Variants in HSD17B4 observed in about 807,000 individuals in gnomAD.
HSD17B4 encodes the protein peroxisomal multifunctional enzyme type 2.
A neutral mutation model predicts 101.0 loss-of-function variants in HSD17B4; 70 were observed. The observed-to-expected ratio is 0.69, with a 90% CI of 0.57 to 0.85. HSD17B4 has a LOEUF of 0.85. HSD17B4 is among the 40% of genes least tolerant of loss of function. The probability of loss-of-function intolerance (pLI) is 0.00; values close to 1 mark genes in which losing one functional copy is unlikely to be tolerated. For missense variants in HSD17B4, 984 were observed against 892.4 expected, an observed-to-expected ratio of 1.10 and a Z score of -1.31; for synonymous variants, 347 against 297.1, an observed-to-expected ratio of 1.17 and a Z score of -1.73.
At chr5:119,532,412 T>C (rs1296786491) in intron 22 of HSD17B4, among the ~76,000 whole-genome samples, 2 of 152,102 alleles carry the variant, frequency 1.3e-5, no homozygotes, top group Non-Finnish European at 2.9e-5. Context: ...TCTGTATATG[T>C]TGGAATGAGT....
At chr5:119,512,360 T>A (rs1380671023) in intron 16 of HSD17B4, among the ~76,000 whole-genome samples, 1 of 152,094 alleles carries the variant, frequency 6.6e-6, no homozygotes, top group African/African-American at 2.4e-5. Flanking sequence ...TCCAAATAGA[T>A]TATATATCTA....
chr5:119,520,615 T>A (rs563566770), intron 17 of HSD17B4, among the ~76,000 whole-genome samples: 1 of 152,352 alleles, frequency 6.6e-6, no homozygotes, highest in South Asian at 2.1e-4. Flanking sequence ...TGTTTGTTTC[T>A]TTTCTGTAAA....
At chr5:119,462,177 A>G (rs1755310979) in intron 2 of HSD17B4, among the ~76,000 whole-genome samples, 1 of 141,838 alleles carries the variant, frequency 7.1e-6, no homozygotes. Context: ...ATTTTTTGCT[A>G]CCTATTTGAA....
At chr5:119,479,518 T>C (rs777122986) in intron 8 of HSD17B4, among the ~76,000 whole-genome samples, 2 of 152,186 alleles carry the variant, frequency 1.3e-5, no homozygotes, top group Admixed American at 6.6e-5. Context: ...ATTCACCCTT[T>C]GTGTTGTACA....
chr5:119,524,146 T>C (rs1201863344), intron 17 of HSD17B4, among the ~76,000 whole-genome samples: 1 of 152,106 alleles, frequency 6.6e-6, no homozygotes, highest in South Asian at 2.1e-4. Flanking sequence ...GATTTCATTA[T>C]ATTAAGAAGA....
chr5:119,473,839 C>T (rs199974724), intron 2 of HSD17B4, 69 bp from the exon 3 acceptor site: 1 of 154,552 alleles, frequency 6.5e-6, no homozygotes, highest in Non-Finnish European at 1.0e-5. Context: ...TTTCATTTTC[C>T]ACACACACAC....
chr5:119,493,097 A>G (rs562204717), intron 10 of HSD17B4: 2 of 152,340 alleles, frequency 1.3e-5, no homozygotes, highest in African/African-American at 2.4e-5. Flanking sequence ...CACTTTATCA[A>G]TAGGAAAGCT....
chr5:119,454,841 T>C (rs1754439417), intron 1 of HSD17B4, among the ~76,000 whole-genome samples: 1 of 152,078 alleles, frequency 6.6e-6, no homozygotes, highest in Admixed American at 6.6e-5. Context: ...AGGCTGGTCT[T>C]GAACTCCAGA....
intron 7 of HSD17B4, among the ~76,000 whole-genome samples, chr5:119,478,327 C>G (rs1748788281): frequency 1.3e-5 from 2 of 152,088 alleles, no homozygotes; most frequent in African/African-American, 4.8e-5. Context: ...CTTGTGATGC[C>G]TGTTTTTGTT....
At chr5:119,470,978 ATTAT>A (rs1296088671) in intron 2 of HSD17B4, among the ~76,000 whole-genome samples, 2 of 152,212 alleles carry the variant, frequency 1.3e-5, no homozygotes, top group Admixed American at 1.3e-4. Flanking sequence ...ATCTCAATAA[ATTAT>A]TTATCCAGCT....
At chr5:119,459,671 G>A (rs894976930) in intron 2 of HSD17B4, among the ~76,000 whole-genome samples, 4 of 152,120 alleles carry the variant, frequency 2.6e-5, no homozygotes, top group Admixed American at 6.6e-5. Context: ...GTAGAGTCCC[G>A]AGATGGCACA....
chr5:119,453,290 G>C (rs532630752), intron 1 of HSD17B4, among the ~76,000 whole-genome samples: 1 of 152,330 alleles, frequency 6.6e-6, no homozygotes, highest in Admixed American at 6.5e-5. Flanking sequence ...AAAGAAAATG[G>C]GAGTAGGATG....
chr5:119,503,852 T>G (rs1751417179), intron 14 of HSD17B4, among the ~76,000 whole-genome samples: 1 of 152,110 alleles, frequency 6.6e-6, no homozygotes, highest in Non-Finnish European at 1.5e-5. Flanking sequence ...GTGTATTGTG[T>G]GATGCTAAAC....
Position 119,473,991 on chromosome 5 carries a change from G to A in HSD17B4, c.196G>A (p.Gly66Ser). The A allele has an allele frequency of 6.2e-7, 1 of 1,607,900 alleles. No individual in the cohort carries two copies. Among genetic ancestry groups the A allele is most frequent in the Non-Finnish European group, 8.5e-7 (1 of 1,174,686 alleles). The change falls in exon 3 of 24, where the codon GGT becomes AGT. Residue 66 changes from glycine (G) to serine (S), a missense_variant. Coordinates refer to ENST00000510025, the MANE Select transcript of HSD17B4 (RefSeq NM_000414.4). ...GGTTGTTGAAGAAATAAGAAGGAGAGGTGGAAAAGCAGTGGCCAACTATGG... is the reference window on the plus strand; with the variant it reads ...GGTTGTTGAAGAAATAAGAAGGAGAAGTGGAAAAGCAGTGGCCAACTATGG... The part of the protein sequence containing the change: ...DKVVEEIRRR[G>S]GKAVANYDSV...
intron 14 of HSD17B4, among the ~76,000 whole-genome samples, 157 bp downstream of exon 14, chr5:119,502,249 C>T (rs1751238584): frequency 6.6e-6 from 1 of 152,066 alleles, no homozygotes; most frequent in Non-Finnish European, 1.5e-5. Flanking sequence ...CTGATGTTAA[C>T]TAGTATCTGT....
At chr5:119,466,078 T>C (rs576921052) in intron 2 of HSD17B4, among the ~76,000 whole-genome samples, 2 of 152,362 alleles carry the variant, frequency 1.3e-5, no homozygotes, top group Admixed American at 1.3e-4. Flanking sequence ...GATGATCAGA[T>C]GGTTTTTTTC....
chr5:119,524,278 G>A (rs1753377576), intron 17 of HSD17B4, among the ~76,000 whole-genome samples: 1 of 151,908 alleles, frequency 6.6e-6, no homozygotes, highest in African/African-American at 2.4e-5. Context: ...AAAGAATGAT[G>A]CTTTCTTATG....
intron 12 of HSD17B4, among the ~76,000 whole-genome samples, chr5:119,497,247 G>A (rs762475591): frequency 1.3e-5 from 2 of 152,126 alleles, no homozygotes; most frequent in Non-Finnish European, 2.9e-5. Context: ...CCTGAGTGGT[G>A]CTTTAGCCAA....
chr5:119,486,463 C>T (rs1749618145), intron 8 of HSD17B4, among the ~76,000 whole-genome samples: 2 of 151,996 alleles, frequency 1.3e-5, no homozygotes, highest in Non-Finnish European at 2.9e-5. Flanking sequence ...AATATTCATT[C>T]CCTTACCTTT....
Sources: allele counts gnomAD v4.1 joint callset (sites outside exome capture counted in the v4.1 genomes callset), GRCh38; gene constraint gnomAD v4.1.1; transcripts MANE v1.5; gene names NCBI Gene and HGNC (gene_info 2026-07-23, HGNC 2026-07-21).